SEMA5A: variants seen among roughly 807,000 people sequenced by gnomAD.
SEMA5A encodes the protein semaphorin 5A, also known as semaphorin-5A.
Under a neutral mutation model 135.5 loss-of-function variants are expected in SEMA5A, and 55 were observed. The ratio of observed to expected loss-of-function variants is 0.41; its 90% CI spans 0.33 to 0.51. The LOEUF is 0.51. Among genes scored for constraint, SEMA5A ranks in the 20% least tolerant of loss-of-function variants. The probability of loss-of-function intolerance (pLI) is 0.37; values close to 1 mark genes in which losing one functional copy is unlikely to be tolerated. For missense variants in SEMA5A, 1,290 were observed against 1,419.9 expected (o/e 0.91, Z 1.47); for synonymous variants, 580 against 546.5 (o/e 1.06, Z -0.85).
At chr5:9,126,386 G>C (rs1382916248) in intron 13 of SEMA5A, among the ~76,000 whole-genome samples, 2 of 152,152 alleles carry the variant, frequency 1.3e-5, no homozygotes, top group Non-Finnish European at 2.9e-5. Context: ...ATGTGAGGAA[G>C]GTCAGACCCT....
At chr5:9,481,891 C>T (rs2126780319) in intron 1 of SEMA5A, among the ~76,000 whole-genome samples, 1 of 152,342 alleles carries the variant, frequency 6.6e-6, no homozygotes, top group South Asian at 2.1e-4. Context: ...TGCACACACA[C>T]ATCTGTCTGT....
intron 5 of SEMA5A, among the ~76,000 whole-genome samples, chr5:9,286,047 C>T (rs138878637): frequency 3.9e-5 from 6 of 152,074 alleles, no homozygotes; most frequent in African/African-American, 2.4e-5. Flanking sequence ...ATCCATAAAA[C>T]TTTTTTTTAA....
At chr5:9,221,518 G>A (rs551442079) in intron 8 of SEMA5A, among the ~76,000 whole-genome samples, 29 of 151,874 alleles carry the variant, frequency 1.9e-4, no homozygotes, top group South Asian at 1.5e-3. Flanking sequence ...TAGCCAGGAT[G>A]GTCTCGATCT....
rs974067119 is a variant in SEMA5A, at chr5:9,286,010, T to A, written c.270+32362A>T. Among the ~76,000 whole-genome samples the A allele has an allele frequency of 2.0e-5, 3 of 152,254 alleles. 1 individual carries two copies. Among genetic ancestry groups the A allele is most frequent in the African/African-American group, 7.2e-5 (3 of 41,452 alleles). ...TGCTTGTATCAAAATACTGCATGTG[T>A]TCCATACATAGGTACAACTATAATA... On this transcript the variant is annotated intron_variant, in intron 5 of 22. Transcript: ENST00000382496.
chr5:9,247,817 T>C (rs937442576), intron 5 of SEMA5A, among the ~76,000 whole-genome samples: 12 of 152,156 alleles, frequency 7.9e-5, no homozygotes, highest in Non-Finnish European at 1.8e-4. Flanking sequence ...TGGTAGTCAT[T>C]GTTTACTCTC....
intron 22 of SEMA5A, 163 bp from the exon 23 acceptor site, chr5:9,043,179 T>C (rs1286488653): frequency 3.2e-6 from 2 of 619,796 alleles, no homozygotes; most frequent in Admixed American, 3.2e-5. Flanking sequence ...ATTTGCCCCA[T>C]GGAGGACTTG....
chr5:9,468,336 C>A (rs963894281), intron 1 of SEMA5A, among the ~76,000 whole-genome samples: 1 of 152,192 alleles, frequency 6.6e-6, no homozygotes, highest in African/African-American at 2.4e-5. Flanking sequence ...TTTGACAAAT[C>A]TTACCCAGAG....
At chr5:9,162,402 GTGTA>G (rs1560976588) in intron 11 of SEMA5A, among the ~76,000 whole-genome samples, 22 of 132,694 alleles carry the variant, frequency 1.7e-4, no homozygotes, top group Non-Finnish European at 3.1e-4. Context: ...GTGTGTGTGT[GTGTA>G]TATATATGTG....
chr5:9,140,788 A>G (rs1430805180), intron 12 of SEMA5A, among the ~76,000 whole-genome samples: 1 of 152,212 alleles, frequency 6.6e-6, no homozygotes, highest in South Asian at 2.1e-4. Flanking sequence ...AAAGGCCTGC[A>G]TTCCTTTTCG....
At chr5:9,088,659 T>TATACACACACACACAC in intron 16 of SEMA5A, among the ~76,000 whole-genome samples, 1 of 112,880 alleles carries the variant, frequency 8.9e-6, no homozygotes, top group Non-Finnish European at 1.7e-5. Flanking sequence ...TATATATATA[T>TATACACACACACACAC]ACACACACAC....
chr5:9,311,148 G>GA (rs1273647585), intron 5 of SEMA5A, among the ~76,000 whole-genome samples: 3 of 151,514 alleles, frequency 2.0e-5, no homozygotes, highest in South Asian at 4.2e-4. Context: ...TCGCTCAACG[G>GA]GGGGGTCCTG....
At chr5:9,343,329 T>A (rs1210795386) in intron 3 of SEMA5A, among the ~76,000 whole-genome samples, 3 of 152,140 alleles carry the variant, frequency 2.0e-5, no homozygotes, top group African/African-American at 7.2e-5. Context: ...CACTGTGGAA[T>A]GCTTGAGTTT....
chr5:9,309,610 T>C (rs1775365859), intron 5 of SEMA5A, among the ~76,000 whole-genome samples: 2 of 152,060 alleles, frequency 1.3e-5, no homozygotes, highest in Admixed American at 6.6e-5. Flanking sequence ...TGTGGGATCC[T>C]GAACGGCAGC....
At chr5:9,329,966 C>G (rs752714577) in intron 4 of SEMA5A, among the ~76,000 whole-genome samples, 2 of 152,128 alleles carry the variant, frequency 1.3e-5, no homozygotes, top group Non-Finnish European at 2.9e-5. Context: ...TTATTGGTAT[C>G]ATTTTTATTG....
At chr5:9,126,445 G>A (rs1007075531) in intron 13 of SEMA5A, among the ~76,000 whole-genome samples, 1 of 151,918 alleles carries the variant, frequency 6.6e-6, no homozygotes, top group Non-Finnish European at 1.5e-5. Context: ...GGCTCTCTGG[G>A]ACATCTGTTC....
At chr5:9,230,989 T>A (rs774105187) in intron 6 of SEMA5A, among the ~76,000 whole-genome samples, 2 of 152,218 alleles carry the variant, frequency 1.3e-5, no homozygotes, top group African/African-American at 2.4e-5. Flanking sequence ...ATTCACAGAT[T>A]GTGAATTCCA....
intron 5 of SEMA5A, among the ~76,000 whole-genome samples, chr5:9,242,589 A>T (rs1051041004): frequency 3.3e-5 from 5 of 152,142 alleles, no homozygotes; most frequent in Non-Finnish European, 7.3e-5. Flanking sequence ...CAAAAGAATG[A>T]TACACTAGAC....
chr5:9,254,848 T>C (rs2150498164), intron 5 of SEMA5A, among the ~76,000 whole-genome samples: 1 of 152,232 alleles, frequency 6.6e-6, no homozygotes, highest in South Asian at 2.1e-4. Context: ...TATGTGAGGA[T>C]AGAATACAAT....
rs1735788640 is a variant in SEMA5A at position 9,038,717 on chromosome 5, G to A, written c.*4180C>T. On this transcript the variant is annotated 3_prime_UTR_variant, in exon 23 of 23. Transcript: ENST00000382496. ...CCACTTGGGGACATAGAGACCCCCC[G>A]CTAAGACTTTGTTCTTTTTTTTTTT... 2 of 143,982 alleles carry A rather than the reference G, an allele frequency of 1.4e-5. No homozygotes were observed. The highest frequency in any genetic ancestry group is 3.0e-5 in the Non-Finnish European group (2 of 67,102). The allele number at this position is 143,982 out of a possible 1,614,324, so 8.9% of individuals were successfully genotyped here. A position where few individuals can be genotyped will look rare whatever the true frequency, so the allele number is the denominator to read the frequency against.
Sources: gnomAD v4.1 joint callset for allele counts (sites outside exome capture counted in the v4.1 genomes callset) on GRCh38, gnomAD v4.1.1 for gene constraint, MANE v1.5 for transcripts, NCBI Gene and HGNC (gene_info 2026-07-23, HGNC 2026-07-21) for gene names.